The following TNS3 variants were observed in gnomAD, a reference collection of about 807,000 sequenced individuals.
The protein encoded by TNS3 is tensin-3.
Under a neutral mutation model 140.9 loss-of-function variants are expected in TNS3, and 45 were observed. The observed-to-expected ratio is 0.32, with a 90% CI of 0.25 to 0.41. The LOEUF is 0.41. TNS3 is among the 10% of genes least tolerant of loss of function. The pLI, the probability that TNS3 is intolerant of heterozygous loss-of-function variation, is 1.00. For missense variants in TNS3, 1,716 were observed against 1,906.7 expected (o/e 0.90, Z 1.86); for synonymous variants, 815 against 788.4 (o/e 1.03, Z -0.56).
At chr7:47,289,645 T>G (rs1194117034) in intron 27 of TNS3, among the ~76,000 whole-genome samples, 2 of 152,242 alleles carry the variant, frequency 1.3e-5, no homozygotes, top group Non-Finnish European at 2.9e-5. Context: ...CAATACCATT[T>G]ACAGTAGCAC....
chr7:47,415,086 A>T lies in TNS3; in HGVS notation c.586+8T>A. Reference sequence around the variant, plus strand: ...AATCGCAGGTGCCACGTCATAGGGGACACTCACCTCCACCTGTGTCGAAGT... The same window carrying T: ...AATCGCAGGTGCCACGTCATAGGGGTCACTCACCTCCACCTGTGTCGAAGT... On this transcript the variant is annotated splice_region_variant and intron_variant, in intron 11 of 30. Transcript: ENST00000311160. The T allele has an allele frequency of 6.2e-7, 1 of 1,604,258 alleles. No homozygotes were observed. The highest frequency in any genetic ancestry group is 1.1e-5 in the South Asian group (1 of 89,936).
chr7:47,387,445 C>T lies in TNS3; in HGVS notation c.1024+9355G>A, dbSNP rs150507825. On this transcript the variant is annotated intron_variant, in intron 16 of 30. Transcript: ENST00000311160. ...AGAAGAATCATTTGCTTAAAGGGAG[C>T]GTGCATGTGGATGGTGGTCTCCTAG... is the stretch of plus-strand genomic sequence containing the variant. Among the ~76,000 whole-genome samples, 1,082 of 152,264 alleles carry T rather than the reference C, an allele frequency of 7.1e-3. 12 individuals are homozygous for T. The highest frequency in any genetic ancestry group is 0.027 in the South Asian group (132 of 4,822).
rs538785567 is a variant in TNS3, at chr7:47,276,021, G to A, written c.*2055C>T. The A allele has an allele frequency of 2.2e-5, 8 of 359,814 alleles. No individual in the cohort carries two copies. The highest frequency in any genetic ancestry group is 6.4e-5 in the African/African-American group (3 of 46,972). The allele number at this position is 359,814 out of a possible 1,614,324, so 22.3% of individuals were successfully genotyped here. ...TTTGGGTTAAACATGGGTAGAGACC[G>A]TCTCAGGATGAGGACCTCTTGGGGA... On this transcript the variant is annotated 3_prime_UTR_variant, in exon 31 of 31. Coordinates refer to ENST00000311160, the MANE Select transcript of TNS3 (RefSeq NM_022748.12).
rs1340201271 is a variant in TNS3, at chr7:47,389,154, A to AAGAAGAAGCAGC, written c.1024+7645_1024+7646insGCTGCTTCTTCT. Among the ~76,000 whole-genome samples, 89 of 82,294 alleles carry AAGAAGAAGCAGC rather than the reference A, an allele frequency of 1.1e-3. 26 individuals carry two copies. The highest frequency in any genetic ancestry group is 3.7e-3 in the African/African-American group (87 of 23,746). 54.0% of individuals were successfully genotyped at this position (82,294 alleles called of 152,430 possible). On this transcript the variant is annotated intron_variant, in intron 16 of 30. Transcript: ENST00000311160. ...GAAGAAGAAGAAGAAGAAGAAGAAG[A>AAGAAGAAGCAGC]AGCAGAAGAAGCAGCAGAAGCAGAA...
chr7:47,396,838 C>G lies in TNS3; in HGVS notation c.986G>C (p.Arg329Pro), dbSNP rs143025033. 14,485 of 1,614,158 alleles carry G rather than the reference C, an allele frequency of 9.0e-3. 95 individuals are homozygous for G. Among genetic ancestry groups the G allele is most frequent in the Non-Finnish European group, 0.011 (12,792 of 1,179,984 alleles). Residue 329 changes from arginine to proline, a missense_variant, in exon 16 of 31, where the codon CGC (arginine) becomes CCC (proline). By Grantham distance (103) the Arg-to-Pro change is moderately radical (BLOSUM62 -2). This residue lies in a region of TNS3 where 1,163 missense variants were observed against 1,182.1 expected (regional missense o/e 0.98). Coordinates refer to ENST00000311160, the MANE Select transcript of TNS3 (RefSeq NM_022748.12). Reference protein sequence around the residue: ...VDYNTTDPLIRWDSYENLSAD... With the variant: ...VDYNTTDPLIPWDSYENLSAD... ...ACTGAGGTTCTCGTACGAGTCCCAGCGTATCAGTGGGTCTGTTGTGTTGTA... is the reference window on the plus strand; with the variant it reads ...ACTGAGGTTCTCGTACGAGTCCCAGGGTATCAGTGGGTCTGTTGTGTTGTA...
At chr7:47,515,145 T>C (rs1798738238) in intron 2 of TNS3, among the ~76,000 whole-genome samples, 1 of 152,170 alleles carries the variant, frequency 6.6e-6, no homozygotes, top group Admixed American at 6.5e-5. Flanking sequence ...CATGTTAACA[T>C]AACAGTTTTT....
At chr7:47,414,338 A>G (rs531573765) in intron 11 of TNS3, among the ~76,000 whole-genome samples, 116 of 152,358 alleles carry the variant, frequency 7.6e-4, no homozygotes, top group African/African-American at 2.6e-3. Flanking sequence ...CAGAGACAAT[A>G]GAAACCTCTG....
intron 10 of TNS3, among the ~76,000 whole-genome samples, chr7:47,422,856 A>C (rs1303356158): frequency 6.9e-6 from 1 of 144,180 alleles, no homozygotes; most frequent in Non-Finnish European, 1.5e-5. Flanking sequence ...CAAAGAAATA[A>C]CATTTAATGG....
chr7:47,352,562 C>A (rs1297330318), intron 17 of TNS3, among the ~76,000 whole-genome samples: 6 of 152,226 alleles, frequency 3.9e-5, no homozygotes, highest in African/African-American at 1.4e-4. Flanking sequence ...CCCTTCTCCC[C>A]ACCTGGGAGC....
chr7:47,439,728 G>A (rs1268001830), intron 5 of TNS3, 70 bp from the exon 6 acceptor site: 8 of 1,536,040 alleles, frequency 5.2e-6, no homozygotes, highest in Non-Finnish European at 7.1e-6. Flanking sequence ...CTAGGAAAAA[G>A]GTGAAGACGA....
intron 1 of TNS3, among the ~76,000 whole-genome samples, chr7:47,549,661 T>C (rs1800010366): frequency 1.3e-5 from 2 of 152,022 alleles, no homozygotes; most frequent in African/African-American, 2.4e-5. Context: ...TTTATGCCTC[T>C]CCTGCATGAG....
At chr7:47,505,307 C>T (rs1440325949) in intron 3 of TNS3, among the ~76,000 whole-genome samples, 3 of 152,228 alleles carry the variant, frequency 2.0e-5, no homozygotes, top group African/African-American at 7.2e-5. Context: ...GCTCCCACAC[C>T]ACTGAAGGTG....
chr7:47,383,892 T>C (rs777752447), intron 16 of TNS3, among the ~76,000 whole-genome samples: 2 of 152,084 alleles, frequency 1.3e-5, no homozygotes, highest in Non-Finnish European at 2.9e-5. Flanking sequence ...AGGGTGTGGC[T>C]TCTGAGGAGG....
At chr7:47,294,346 C>G (rs1161196028) in intron 24 of TNS3, among the ~76,000 whole-genome samples, 1 of 152,240 alleles carries the variant, frequency 6.6e-6, no homozygotes, top group Non-Finnish European at 1.5e-5. Flanking sequence ...ACGGGAGCAG[C>G]ACTCTACCAC....
At chr7:47,315,278 T>C (rs1333672229) in intron 20 of TNS3, among the ~76,000 whole-genome samples, 2 of 152,226 alleles carry the variant, frequency 1.3e-5, no homozygotes, top group South Asian at 2.1e-4. Context: ...TCTCACTTTC[T>C]GGTATTCCGC....
chr7:47,400,995 C>T (rs1562692754), intron 13 of TNS3, 81 bp from the exon 14 acceptor site: 1 of 1,577,992 alleles, frequency 6.3e-7, no homozygotes, highest in Admixed American at 1.7e-5. Context: ...TCCGCGGAGG[C>T]CGGCACAGCA....
rs190043864 is a variant in TNS3, at chr7:47,275,629, C to T, written c.*2447G>A. ...AATCTGTGATGACACACAGCTTGTT[C>T]TGTTTAATGCACATGTAACACAAAA... On this transcript the variant is annotated 3_prime_UTR_variant, in exon 31 of 31. Transcript: ENST00000311160. 2,473 of 358,642 alleles carry T rather than the reference C, an allele frequency of 6.9e-3. 24 individuals carry two copies. Among genetic ancestry groups the T allele is most frequent in the Middle Eastern group, 0.019 (19 of 994 alleles). The allele number at this position is 358,642 out of a possible 1,614,324, so 22.2% of individuals were successfully genotyped here.
chr7:47,351,532 C>T (rs1265794443), intron 17 of TNS3, among the ~76,000 whole-genome samples: 4 of 152,220 alleles, frequency 2.6e-5, no homozygotes, highest in South Asian at 2.1e-4. Flanking sequence ...ACAACTTGAA[C>T]GTGAGACTCC....
intron 16 of TNS3, among the ~76,000 whole-genome samples, chr7:47,372,482 G>A (rs1791131356): frequency 6.6e-6 from 1 of 152,198 alleles, no homozygotes; most frequent in African/African-American, 2.4e-5. Context: ...TGCCCCGTAT[G>A]CTAAGAACAG....
Sources: gnomAD v4.1 joint callset for allele counts (sites outside exome capture counted in the v4.1 genomes callset) on GRCh38, gnomAD v4.1.1 for gene constraint, gnomAD v4.1.1 regional missense constraint, MANE v1.5 for transcripts, NCBI Gene and HGNC (gene_info 2026-07-23, HGNC 2026-07-21) for gene names.